TSPAN3: variants seen among roughly 807,000 people sequenced by gnomAD.
The protein encoded by TSPAN3 is tetraspanin-3.
In TSPAN3, 9 loss-of-function variants were observed where a neutral mutation model predicts 31.1. The ratio of observed to expected loss-of-function variants is 0.29; its 90% confidence interval spans 0.17 to 0.50. TSPAN3 has a LOEUF of 0.50. Among genes scored for constraint, TSPAN3 ranks in the 20% least tolerant of loss-of-function variants. TSPAN3 has a pLI of 0.98. For synonymous variants in TSPAN3, 129 were observed against 114.3 expected (o/e 1.13, Z -0.82); for missense variants, 252 against 313.5 (o/e 0.80, Z 1.48).
At position 77,042,973 on chromosome 15, in the gene TSPAN3, A is replaced by C. The variant is rs1425029419; in HGVS notation, c.*3862T>G. 1 of 152,118 alleles carries C rather than the reference A, an allele frequency of 6.6e-6. No homozygotes were observed. Among genetic ancestry groups the C allele is most frequent in the Non-Finnish European group, 1.5e-5 (1 of 68,058 alleles). 9.4% of individuals were successfully genotyped at this position (152,118 alleles called of 1,614,324 possible). On this transcript the variant is annotated 3_prime_UTR_variant, in exon 7 of 7. Coordinates refer to ENST00000267970, the MANE Select transcript of TSPAN3 (RefSeq NM_005724.6). ...GTCACACTGAAGAGGGGGCTCTGAAAACTCCTTTACCCTTTGCCAGCCTGA... is the reference window on the plus strand; with the variant it reads ...GTCACACTGAAGAGGGGGCTCTGAACACTCCTTTACCCTTTGCCAGCCTGA...
At chr15:77,064,976 C>T (rs1288588494) in intron 1 of TSPAN3, 1 of 152,184 alleles carries the variant, frequency 6.6e-6, no homozygotes, top group East Asian at 1.9e-4. Flanking sequence ...ACTTGAAATA[C>T]CTCATTATAA....
chr15:77,049,620 C>A (rs980875672), intron 6 of TSPAN3, among the ~76,000 whole-genome samples: 5 of 152,040 alleles, frequency 3.3e-5, no homozygotes, highest in Admixed American at 3.3e-4. Context: ...ATTTTTAAAA[C>A]CTCATTCTTT....
intron 1 of TSPAN3, among the ~76,000 whole-genome samples, chr15:77,057,200 T>C (rs1396126398): frequency 6.6e-6 from 1 of 152,222 alleles, no homozygotes; most frequent in Non-Finnish European, 1.5e-5. Context: ...CTGGCTCATA[T>C]ACAAACAAGC....
intron 1 of TSPAN3, among the ~76,000 whole-genome samples, chr15:77,070,501 G>T (rs1028907532): frequency 1.3e-4 from 20 of 152,220 alleles, no homozygotes; most frequent in African/African-American, 4.8e-4. Context: ...CGCGGAACCT[G>T]AGCCTCTGGC....
Position 77,046,586 on chromosome 15 carries a change from G to T in TSPAN3, c.*249C>A. The T allele has an allele frequency of 1.9e-6, 1 of 525,120 alleles. No homozygotes were observed. The highest frequency in any genetic ancestry group is 3.0e-5 in the East Asian group (1 of 33,782). The allele number at this position is 525,120 out of a possible 1,614,324, so 32.5% of individuals were successfully genotyped here. On this transcript the variant is annotated 3_prime_UTR_variant, in exon 7 of 7. Coordinates refer to ENST00000267970, the MANE Select transcript of TSPAN3 (RefSeq NM_005724.6). ...CTACCACACTACATGACTCGCAATTGGTTCTGAAATTAGAACGTTCACCAT... is the reference window on the plus strand; with the variant it reads ...CTACCACACTACATGACTCGCAATTTGTTCTGAAATTAGAACGTTCACCAT...
In TSPAN3 at chr15:77,042,371, T is replaced by C. The variant is rs1466212833; in HGVS notation, c.*4464A>G. 1.3e-5 allele frequency: 2 copies of C among 152,210 alleles called. No individual in the cohort carries two copies. The highest frequency in any genetic ancestry group is 4.8e-5 in the African/African-American group (2 of 41,452). 9.4% of individuals were successfully genotyped at this position (152,210 alleles called of 1,614,324 possible). On this transcript the variant is annotated 3_prime_UTR_variant, in exon 7 of 7. Coordinates refer to ENST00000267970, the MANE Select transcript of TSPAN3 (RefSeq NM_005724.6). ...GGACAAGAAGCAAAGACACCCCAGC[T>C]GCAATAAGCACACCTAGTGCCAGGG...
At chr15:77,051,490 T>C (rs1200741703) in intron 6 of TSPAN3, among the ~76,000 whole-genome samples, 1 of 150,198 alleles carries the variant, frequency 6.7e-6, no homozygotes, top group Non-Finnish European at 1.5e-5. Flanking sequence ...ATCACACCAT[T>C]GCACTCTAGC....
chr15:77,041,880 CAAT>C lies in TSPAN3; in HGVS notation c.*4952_*4954del, dbSNP rs2076661872. 1.3e-5 allele frequency: 2 copies of C among 152,144 alleles called. No individual in the cohort carries two copies. Among genetic ancestry groups the C allele is most frequent in the African/African-American group, 2.4e-5 (1 of 41,406 alleles). 9.4% of individuals were successfully genotyped at this position (152,144 alleles called of 1,614,324 possible). On this transcript the variant is annotated 3_prime_UTR_variant, in exon 7 of 7. Transcript: ENST00000267970. ...ATTTTATGCCATGTGAATTGCATCT[CAAT>C]AAAAATTGTTTTCATTTTAAAAATT... is the stretch of plus-strand genomic sequence containing the variant.
chr15:77,053,750 C>T (rs2076748949), intron 4 of TSPAN3, among the ~76,000 whole-genome samples: 1 of 152,038 alleles, frequency 6.6e-6, no homozygotes, highest in Admixed American at 6.6e-5. Context: ...TTCTTTCTAC[C>T]TTTGTGTGTA....
intron 1 of TSPAN3, among the ~76,000 whole-genome samples, chr15:77,062,455 T>C (rs1362722303): frequency 1.3e-5 from 2 of 152,202 alleles, no homozygotes; most frequent in Non-Finnish European, 2.9e-5. Flanking sequence ...CCAAATCCTC[T>C]TTCAGAAATT....
At position 77,056,248 on chromosome 15, in the gene TSPAN3, G is replaced by A; in HGVS notation, c.71C>T (p.Ala24Val). Residue 24 changes from alanine to valine, a missense_variant, in exon 2 of 7, where the codon GCT (alanine) becomes GTT (valine). Coordinates refer to ENST00000267970, the MANE Select transcript of TSPAN3 (RefSeq NM_005724.6). ...GGCTCCCACATAGCATAAAATGCCAGCTGCCCCCTGTAGAAAACAAAGTCA... is the reference window on the plus strand; with the variant it reads ...GGCTCCCACATAGCATAAAATGCCAACTGCCCCCTGTAGAAAACAAAGTCA... Reference protein sequence around the residue: ...VFLNLIFWGAAGILCYVGAYV... With the variant: ...VFLNLIFWGAVGILCYVGAYV... 1 of 1,594,830 alleles carries A rather than the reference G, an allele frequency of 6.3e-7. No homozygotes were observed. The highest frequency in any genetic ancestry group is 1.4e-5 in the African/African-American group (1 of 73,896).
At position 77,046,529 on chromosome 15, in the gene TSPAN3, TA is replaced by T; in HGVS notation, c.*305del. On this transcript the variant is annotated 3_prime_UTR_variant, in exon 7 of 7. Coordinates refer to ENST00000267970, the MANE Select transcript of TSPAN3 (RefSeq NM_005724.6). ...CATCAGTCCTGTTACCACTTGGAGG[TA>T]ACAGAAGCAGGCTCGTGTCCTCCTT... 3 of 453,568 alleles carry T rather than the reference TA, an allele frequency of 6.6e-6. No individual in the cohort carries two copies. The highest frequency in any genetic ancestry group is 1.2e-5 in the Non-Finnish European group (3 of 257,664). The allele number at this position is 453,568 out of a possible 1,614,324, so 28.1% of individuals were successfully genotyped here. A position where few individuals can be genotyped will look rare whatever the true frequency, so the allele number is the denominator to read the frequency against.
intron 1 of TSPAN3, among the ~76,000 whole-genome samples, chr15:77,061,881 G>GC (rs751107643): frequency 6.6e-6 from 1 of 152,196 alleles, no homozygotes; most frequent in Non-Finnish European, 1.5e-5. Context: ...AAAGCACAGT[G>GC]CCTGACAAAT....
At chr15:77,052,306 G>C in intron 6 of TSPAN3, 79 bp downstream of exon 6, 1 of 1,228,860 alleles carries the variant, frequency 8.1e-7, no homozygotes, top group Non-Finnish European at 1.2e-6. Context: ...GATTCACTGT[G>C]ATGGGGATTA....
intron 4 of TSPAN3, 25 bp downstream of exon 4, chr15:77,054,153 A>C: frequency 6.3e-7 from 1 of 1,578,484 alleles, no homozygotes. Context: ...GTCCTCAAAA[A>C]CAAATCTGCC....
chr15:77,070,138 A>C (rs960578142), intron 1 of TSPAN3: 1 of 152,244 alleles, frequency 6.6e-6, no homozygotes, highest in African/African-American at 2.4e-5. Flanking sequence ...AACTAAGATG[A>C]CATAAACATT....
intron 6 of TSPAN3, among the ~76,000 whole-genome samples, chr15:77,048,824 TA>T (rs2076709970): frequency 1.3e-5 from 2 of 152,238 alleles, no homozygotes; most frequent in East Asian, 3.9e-4. Flanking sequence ...TAGTGGTGAT[TA>T]AAAAAACTGA....
At chr15:77,047,236 T>C (rs939955911) in intron 6 of TSPAN3, among the ~76,000 whole-genome samples, 8 of 152,224 alleles carry the variant, frequency 5.3e-5, no homozygotes, top group Non-Finnish European at 1.0e-4. Context: ...GATGGAGACA[T>C]ACCACATATG....
chr15:77,060,094 GT>G (rs1184388393), intron 1 of TSPAN3, among the ~76,000 whole-genome samples: 1 of 151,976 alleles, frequency 6.6e-6, no homozygotes, highest in Admixed American at 6.6e-5. Flanking sequence ...CTCTACAACA[GT>G]TTTTTTTCCC....
Sources: allele counts gnomAD v4.1 joint callset (sites outside exome capture counted in the v4.1 genomes callset), GRCh38; gene constraint gnomAD v4.1.1; transcripts MANE v1.5; gene names NCBI Gene and HGNC (gene_info 2026-07-23, HGNC 2026-07-21).